CBX5: variants seen among roughly 807,000 people sequenced by gnomAD.
The protein encoded by CBX5 is chromobox protein homolog 5.
A neutral mutation model predicts 20.7 loss-of-function variants in CBX5; 7 were observed. The observed-to-expected ratio is 0.34, with a 90% CI of 0.19 to 0.63. The LOEUF (loss-of-function observed/expected upper bound fraction) is 0.63. Ranked by LOEUF, CBX5 falls within the 30% of genes least tolerant of loss-of-function variation. The probability of loss-of-function intolerance (pLI) is 0.75; values close to 1 mark genes in which losing one functional copy is unlikely to be tolerated. For synonymous variants in CBX5, 78 were observed against 77.0 expected, an observed-to-expected ratio of 1.01 and a Z score of -0.07; for missense variants, 110 against 224.1, an observed-to-expected ratio of 0.49 and a Z score of 3.25.
intron 1 of CBX5, among the ~76,000 whole-genome samples, chr12:54,261,027 C>G (rs1191441885): frequency 1.3e-5 from 2 of 151,924 alleles, no homozygotes; most frequent in Admixed American, 1.3e-4. Context: ...CCCATCTCTA[C>G]TAAAAATGCA....
chr12:54,260,366 G>A (rs561561167), intron 1 of CBX5, among the ~76,000 whole-genome samples: 25 of 152,032 alleles, frequency 1.6e-4, no homozygotes, highest in Non-Finnish European at 2.9e-4. Context: ...GGTGGCAGGC[G>A]CATATAGTCC....
intron 4 of CBX5, among the ~76,000 whole-genome samples, chr12:54,244,655 T>G (rs1400307729): frequency 6.6e-6 from 1 of 151,884 alleles, no homozygotes; most frequent in African/African-American, 2.4e-5. Context: ...GGAGAATCAC[T>G]TGAACCCGGG....
intron 4 of CBX5, among the ~76,000 whole-genome samples, chr12:54,244,766 T>C (rs567683782): frequency 2.0e-5 from 3 of 152,268 alleles, no homozygotes; most frequent in Admixed American, 2.0e-4. Flanking sequence ...ACTACTTCCT[T>C]TTCATCTAAG....
At position 54,235,980 on chromosome 12, in the gene CBX5, C is replaced by T. The variant is rs1943617388; in HGVS notation, c.*5775G>A. ...GGGATGAAAATCAGGAGTTCTCAAT[C>T]CCAACTCACCTGTTTTCTCTCTCAG... On this transcript the variant is annotated 3_prime_UTR_variant, in exon 5 of 5. Coordinates refer to ENST00000209875, the MANE Select transcript of CBX5 (RefSeq NM_012117.3). 6.6e-6 allele frequency: 1 copy of T among 152,190 alleles called. No homozygotes were observed. Among genetic ancestry groups the T allele is most frequent in the Non-Finnish European group, 1.5e-5 (1 of 68,036 alleles). 9.4% of individuals were successfully genotyped at this position (152,190 alleles called of 1,614,324 possible).
intron 4 of CBX5, among the ~76,000 whole-genome samples, chr12:54,243,938 T>C (rs568304236): frequency 6.6e-6 from 1 of 152,276 alleles, no homozygotes; most frequent in South Asian, 2.1e-4. Context: ...ATTCTTCAAA[T>C]ACAGGTTTCT....
At chr12:54,260,468 TG>T (rs1943905502) in intron 1 of CBX5, among the ~76,000 whole-genome samples, 4 of 151,898 alleles carry the variant, frequency 2.6e-5, no homozygotes, top group Admixed American at 2.6e-4. Flanking sequence ...CACTCCAGCC[TG>T]GGCGACAAGA....
At chr12:54,274,508 C>T (rs1221192193) in intron 1 of CBX5, among the ~76,000 whole-genome samples, 1 of 151,916 alleles carries the variant, frequency 6.6e-6, no homozygotes, top group East Asian at 1.9e-4. Context: ...AGCTTTAGGC[C>T]CAGTTTCATG....
chr12:54,249,165 T>C (rs996949557), intron 3 of CBX5, among the ~76,000 whole-genome samples: 2 of 152,078 alleles, frequency 1.3e-5, no homozygotes, highest in African/African-American at 4.8e-5. Context: ...GGTCAGGAGA[T>C]TGAGACCATT....
Position 54,248,527 on chromosome 12 carries a change from C to T in CBX5, c.325-2312G>A, listed in dbSNP as rs76163913. 5.2e-3 allele frequency among the ~76,000 whole-genome samples: 793 copies of T among 152,258 alleles called. 9 individuals are homozygous for T. Among genetic ancestry groups the T allele is most frequent in the African/African-American group, 0.018 (763 of 41,538 alleles). On this transcript the variant is annotated intron_variant, in intron 3 of 4. Coordinates refer to ENST00000209875, the MANE Select transcript of CBX5 (RefSeq NM_012117.3). ...AATTCACAATTGGAAGGACATTCCA[C>T]GCGTGGATCAATGAGAGATACTGAC...
At chr12:54,277,445 T>C (rs2137034968) in intron 1 of CBX5, among the ~76,000 whole-genome samples, 1 of 152,266 alleles carries the variant, frequency 6.6e-6, no homozygotes, top group East Asian at 1.9e-4. Flanking sequence ...CCTGAAGTGA[T>C]CCACCCGCCT....
intron 4 of CBX5, among the ~76,000 whole-genome samples, chr12:54,242,337 C>G (rs2137009457): frequency 6.6e-6 from 1 of 151,736 alleles, no homozygotes; most frequent in Non-Finnish European, 1.5e-5. Context: ...CATCCTGGCT[C>G]ACACGGTGAA....
At position 54,238,922 on chromosome 12, in the gene CBX5, A is replaced by T. The variant is rs1943649674; in HGVS notation, c.*2833T>A. 6.6e-6 allele frequency: 1 copy of T among 152,248 alleles called. No individual in the cohort carries two copies. Among genetic ancestry groups the T allele is most frequent in the Non-Finnish European group, 1.5e-5 (1 of 68,046 alleles). 9.4% of individuals were successfully genotyped at this position (152,248 alleles called of 1,614,324 possible). A position where few individuals can be genotyped will look rare whatever the true frequency, so the allele number is the denominator to read the frequency against. Reference sequence around the variant, plus strand: ...GGTGTTTAAGAGTGCTTAGCTCTTAACTATTAACTCTTCTGAGGGGAGAAA... The same window carrying T: ...GGTGTTTAAGAGTGCTTAGCTCTTATCTATTAACTCTTCTGAGGGGAGAAA... On this transcript the variant is annotated 3_prime_UTR_variant, in exon 5 of 5. Coordinates refer to ENST00000209875, the MANE Select transcript of CBX5 (RefSeq NM_012117.3).
rs1432262186 is a variant in CBX5 at position 54,234,435 on chromosome 12, G to C, written c.*7320C>G. The stretch of plus-strand genomic sequence containing the variant: ...CTGACCACTTGGCCTTGAATCGACT[G>C]TTAGGGTCACACCTGCCAATGCCAG... On this transcript the variant is annotated 3_prime_UTR_variant, in exon 5 of 5. Transcript: ENST00000209875. The C allele has an allele frequency of 6.6e-6, 1 of 152,136 alleles. No individual in the cohort carries two copies. Among genetic ancestry groups the C allele is most frequent in the African/African-American group, 2.4e-5 (1 of 41,430 alleles). 9.4% of individuals were successfully genotyped at this position (152,136 alleles called of 1,614,324 possible).
rs73321061 is a variant in CBX5 at position 54,260,282 on chromosome 12, C to G, written c.-42-2590G>C. On this transcript the variant is annotated intron_variant, in intron 1 of 4. Coordinates refer to ENST00000209875, the MANE Select transcript of CBX5 (RefSeq NM_012117.3). ...GGGACGGGGCAATCATTTGAGGTCA[C>G]GTGCTCAAGACTAGCCTGACCAACG... is the stretch of plus-strand genomic sequence containing the variant. Among the ~76,000 whole-genome samples, 612 of 151,800 alleles carry G rather than the reference C, an allele frequency of 4.0e-3. 5 individuals carry two copies. The highest frequency in any genetic ancestry group is 0.029 in the East Asian group (150 of 5,142).
chr12:54,252,251 T>C (rs200871220), intron 2 of CBX5, 24 bp from the exon 3 acceptor site: 7 of 1,023,986 alleles, frequency 6.8e-6, no homozygotes, highest in Non-Finnish European at 9.3e-6. Context: ...ATGGGAAAAT[T>C]AAAAAAAAAA....
At chr12:54,245,643 T>G (rs1162695520) in intron 4 of CBX5, among the ~76,000 whole-genome samples, 7 of 151,886 alleles carry the variant, frequency 4.6e-5, no homozygotes, top group Admixed American at 3.9e-4. Flanking sequence ...AATATAAAAG[T>G]AGCCAGGTAT....
rs1592150080 is a variant in CBX5 at position 54,232,409 on chromosome 12, T to C, written c.*9346A>G. The C allele has an allele frequency of 6.6e-6, 1 of 152,332 alleles. No homozygotes were observed. Among genetic ancestry groups the C allele is most frequent in the East Asian group, 1.9e-4 (1 of 5,190 alleles). The allele number at this position is 152,332 out of a possible 1,614,324, so 9.4% of individuals were successfully genotyped here. A position where few individuals can be genotyped will look rare whatever the true frequency, so the allele number is the denominator to read the frequency against. Reference sequence around the variant, plus strand: ...CACAGAGGACCCTGAAGTATTCTATTAACTTTGATTTACAATGCCTCACAA... The same window carrying C: ...CACAGAGGACCCTGAAGTATTCTATCAACTTTGATTTACAATGCCTCACAA... On this transcript the variant is annotated 3_prime_UTR_variant, in exon 5 of 5. Coordinates refer to ENST00000209875, the MANE Select transcript of CBX5 (RefSeq NM_012117.3).
intron 3 of CBX5, among the ~76,000 whole-genome samples, chr12:54,251,436 G>A (rs1322016193): frequency 3.3e-5 from 5 of 150,854 alleles, no homozygotes; most frequent in African/African-American, 7.3e-5. Flanking sequence ...GGAGAATGGC[G>A]TGAACCCGGG....
intron 1 of CBX5, among the ~76,000 whole-genome samples, chr12:54,265,797 C>T (rs1193676601): frequency 2.0e-5 from 3 of 152,182 alleles, no homozygotes; most frequent in African/African-American, 7.2e-5. Flanking sequence ...AATCCCAGCA[C>T]TTTGGGAGGC....
Sources: gnomAD v4.1 joint callset for allele counts (sites outside exome capture counted in the v4.1 genomes callset) on GRCh38, gnomAD v4.1.1 for gene constraint, MANE v1.5 for transcripts, NCBI Gene and HGNC (gene_info 2026-07-23, HGNC 2026-07-21) for gene names.